CCSER1: variants seen among roughly 807,000 people sequenced by gnomAD.
CCSER1 encodes serine-rich coiled-coil domain-containing protein 1.
CCSER1 carries 41 observed loss-of-function variants against 82.0 expected under a neutral mutation model. That is an observed-to-expected ratio of 0.50 (90% CI 0.39 to 0.65). The LOEUF (loss-of-function observed/expected upper bound fraction) is 0.65, where lower values mean the gene tolerates loss of function less well. Among genes scored for constraint, CCSER1 ranks in the 30% least tolerant of loss-of-function variants. The probability of loss-of-function intolerance (pLI) is 0.00; values close to 1 mark genes in which losing one functional copy is unlikely to be tolerated. For missense variants in CCSER1, 1,119 were observed against 1,064.2 expected, an observed-to-expected ratio of 1.05 and a Z score of -0.72; for synonymous variants, 414 against 383.9, an observed-to-expected ratio of 1.08 and a Z score of -0.92.
chr4:90,953,556 T>C (rs1327349592), intron 9 of CCSER1, among the ~76,000 whole-genome samples: 2 of 151,532 alleles, frequency 1.3e-5, no homozygotes, highest in East Asian at 1.9e-4. Context: ...AGGATCAAAC[T>C]TTATTTCACC....
intron 10 of CCSER1, among the ~76,000 whole-genome samples, chr4:91,266,771 C>T (rs758418213): frequency 6.6e-6 from 1 of 152,088 alleles, no homozygotes; most frequent in African/African-American, 2.4e-5. Flanking sequence ...GCTGGCTGAT[C>T]CTTATCTTAC....
chr4:91,109,096 C>A (rs1050034582), intron 10 of CCSER1, among the ~76,000 whole-genome samples: 3 of 152,142 alleles, frequency 2.0e-5, no homozygotes, highest in Admixed American at 6.5e-5. Flanking sequence ...TGTAGCAACA[C>A]CCCCACCCCA....
chr4:90,633,296 T>G (rs764893978), intron 6 of CCSER1, among the ~76,000 whole-genome samples: 1 of 152,088 alleles, frequency 6.6e-6, no homozygotes, highest in Non-Finnish European at 1.5e-5. Context: ...AAAGTAAGTA[T>G]GTAGTAAATT....
At chr4:91,184,120 T>C (rs1272291826) in intron 10 of CCSER1, among the ~76,000 whole-genome samples, 1 of 152,192 alleles carries the variant, frequency 6.6e-6, no homozygotes, top group East Asian at 1.9e-4. Flanking sequence ...GATCATAACA[T>C]TGGAGTAATA....
intron 5 of CCSER1, among the ~76,000 whole-genome samples, chr4:90,526,342 C>A (rs1162390185): frequency 1.3e-5 from 2 of 152,138 alleles, no homozygotes; most frequent in African/African-American, 4.8e-5. Flanking sequence ...TCTCACTTAA[C>A]AGCTCATGAT....
At chr4:91,540,367 ATCT>A (rs1251956112) in intron 10 of CCSER1, among the ~76,000 whole-genome samples, 2 of 152,128 alleles carry the variant, frequency 1.3e-5, no homozygotes, top group Non-Finnish European at 2.9e-5. Flanking sequence ...TGTCATTAAA[ATCT>A]TCTGTGCTTT....
chr4:90,967,655 TACA>T (rs1427941971), intron 9 of CCSER1, among the ~76,000 whole-genome samples: 3 of 152,068 alleles, frequency 2.0e-5, no homozygotes, highest in Non-Finnish European at 4.4e-5. Context: ...GTTTCTTAGA[TACA>T]ACACCTAAAG....
intron 10 of CCSER1, among the ~76,000 whole-genome samples, chr4:91,576,875 C>T (rs1449523197): frequency 3.3e-5 from 5 of 151,866 alleles, no homozygotes; most frequent in Non-Finnish European, 4.4e-5. Flanking sequence ...TTTCAGCACA[C>T]AAAGGTAACT....
intron 10 of CCSER1, among the ~76,000 whole-genome samples, chr4:91,154,980 A>C (rs1161500752): frequency 6.6e-6 from 1 of 151,682 alleles, no homozygotes; most frequent in Non-Finnish European, 1.5e-5. Flanking sequence ...ATCTCAAGCA[A>C]TTTTCTTCCA....
intron 5 of CCSER1, among the ~76,000 whole-genome samples, chr4:90,608,075 A>G (rs1432275649): frequency 6.6e-6 from 1 of 152,216 alleles, no homozygotes; most frequent in Non-Finnish European, 1.5e-5. Flanking sequence ...TTGCTTTCTG[A>G]AAGCTGATAT....
At chr4:90,186,703 TGTC>T (rs1358583038) in intron 1 of CCSER1, among the ~76,000 whole-genome samples, 1 of 151,986 alleles carries the variant, frequency 6.6e-6, no homozygotes, top group African/African-American at 2.4e-5. Flanking sequence ...ATCTCTAATT[TGTC>T]TTTAGGTTAG....
At chr4:91,459,825 T>A (rs1756399182) in intron 10 of CCSER1, among the ~76,000 whole-genome samples, 1 of 152,178 alleles carries the variant, frequency 6.6e-6, no homozygotes, top group African/African-American at 2.4e-5. Context: ...TTATTCCAGT[T>A]TATAAAATTC....
chr4:90,671,007 G>A (rs148572170), intron 6 of CCSER1, among the ~76,000 whole-genome samples: 267 of 152,158 alleles, frequency 1.8e-3, no homozygotes, highest in Non-Finnish European at 2.5e-3. Flanking sequence ...GTATGCTGCA[G>A]CCTATTAAGT....
intron 1 of CCSER1, among the ~76,000 whole-genome samples, chr4:90,229,761 A>G (rs1306156516): frequency 6.6e-6 from 1 of 152,230 alleles, no homozygotes. Context: ...GCTCAAAATA[A>G]AAGGATAGAG....
At chr4:90,269,799 A>C (rs761621782) in intron 1 of CCSER1, among the ~76,000 whole-genome samples, 3 of 152,040 alleles carry the variant, frequency 2.0e-5, no homozygotes, top group Non-Finnish European at 2.9e-5. Context: ...CTAAGAAAAC[A>C]GAAGAGGAAA....
intron 8 of CCSER1, among the ~76,000 whole-genome samples, chr4:90,891,654 T>A (rs893923079): frequency 1.3e-5 from 2 of 151,982 alleles, no homozygotes; most frequent in African/African-American, 4.8e-5. Flanking sequence ...TTCTGGCAAG[T>A]GAAATAAGAA....
intron 8 of CCSER1, among the ~76,000 whole-genome samples, chr4:90,913,209 G>A (rs1008015998): frequency 2.6e-5 from 4 of 152,014 alleles, no homozygotes; most frequent in Non-Finnish European, 4.4e-5. Flanking sequence ...TAAAATGAAG[G>A]AAAAAATGTT....
chr4:90,432,804 A>C (rs1463176940), intron 4 of CCSER1, among the ~76,000 whole-genome samples: 1 of 152,046 alleles, frequency 6.6e-6, no homozygotes, highest in African/African-American at 2.4e-5. Flanking sequence ...AACATTAAAA[A>C]CCAAGACATT....
intron 3 of CCSER1, among the ~76,000 whole-genome samples, chr4:90,320,964 A>G (rs1182806129): frequency 1.3e-5 from 2 of 152,126 alleles, no homozygotes; most frequent in East Asian, 1.9e-4. Flanking sequence ...TATGGGGTAC[A>G]TGTGATATTT....
Sources: gnomAD v4.1 joint callset for allele counts (sites outside exome capture counted in the v4.1 genomes callset) on GRCh38, gnomAD v4.1.1 for gene constraint, MANE v1.5 for transcripts, NCBI Gene and HGNC (gene_info 2026-07-23, HGNC 2026-07-21) for gene names.